Variants in CCDC88C observed in about 807,000 individuals in gnomAD.
The protein encoded by CCDC88C is protein Daple.
CCDC88C carries 131 observed loss-of-function variants against 198.8 expected under a neutral mutation model. That is an observed-to-expected ratio of 0.66 (90% CI 0.57 to 0.76). The LOEUF is 0.76. Ranked by LOEUF, CCDC88C falls within the 30% of genes least tolerant of loss-of-function variation. The pLI, the probability that CCDC88C is intolerant of heterozygous loss-of-function variation, is 0.00. For missense variants in CCDC88C, 2,553 were observed against 2,631.6 expected, an observed-to-expected ratio of 0.97 and a Z score of 0.65; for synonymous variants, 1,166 against 1,114.7, an observed-to-expected ratio of 1.05 and a Z score of -0.92.
chr14:91,385,964 A>G (rs1885107420), intron 3 of CCDC88C, among the ~76,000 whole-genome samples: 2 of 152,148 alleles, frequency 1.3e-5, no homozygotes, highest in African/African-American at 4.8e-5. Context: ...CAGGAGCAGA[A>G]TGGCCTGTAT....
At chr14:91,345,192 T>TATATA (rs1596094632) in intron 4 of CCDC88C, among the ~76,000 whole-genome samples, 3 of 87,298 alleles carry the variant, frequency 3.4e-5, no homozygotes, top group African/African-American at 1.4e-4. Flanking sequence ...ATATATATAT[T>TATATA]TTTTTTTTTT....
chr14:91,277,980 C>G lies in CCDC88C; in HGVS notation c.5000G>C (p.Ser1667Thr). The G allele has an allele frequency of 2.6e-6, 4 of 1,561,756 alleles. No individual in the cohort carries two copies. In the South Asian group the frequency reaches 4.7e-5, roughly 18 times the overall value. The change falls in exon 29 of 30, where the codon AGT becomes ACT. Residue 1667 changes from serine (S) to threonine (T), a missense_variant. Ser to Thr is a moderately conservative substitution (Grantham distance 58). Transcript: ENST00000389857. The part of the protein sequence containing the change: ...GVRPCSASPS[S>T]EMVTLEEFLE... ...GAACTCCTCCAAGGTGACCATCTCA[C>G]TGCTGGGGGAGGCCGAGCAGGGCCG...
chr14:91,290,160 T>C (rs925234727), intron 24 of CCDC88C, among the ~76,000 whole-genome samples: 1 of 152,214 alleles, frequency 6.6e-6, no homozygotes, highest in African/African-American at 2.4e-5. Context: ...TAATCCCAGC[T>C]ACTCGGGAGG....
At chr14:91,281,373 A>G (rs900434168) in intron 27 of CCDC88C, 84 bp downstream of exon 27, 1 of 1,604,130 alleles carries the variant, frequency 6.2e-7, no homozygotes, top group African/African-American at 1.3e-5. Flanking sequence ...ACTCCCGTAC[A>G]GGACTCAGCT....
chr14:91,397,981 A>G (rs995240563), intron 3 of CCDC88C, among the ~76,000 whole-genome samples: 1 of 152,262 alleles, frequency 6.6e-6, no homozygotes, highest in Non-Finnish European at 1.5e-5. Flanking sequence ...ATCTTGCTCC[A>G]TGAGCCTTGG....
At chr14:91,369,711 G>A (rs1040038569) in intron 3 of CCDC88C, among the ~76,000 whole-genome samples, 4 of 152,136 alleles carry the variant, frequency 2.6e-5, no homozygotes, top group Non-Finnish European at 5.9e-5. Context: ...GGGAGTCCTG[G>A]CAAAACGAGT....
At position 91,371,362 on chromosome 14, in the gene CCDC88C, G is replaced by A. The variant is rs1045576231; in HGVS notation, c.271-11651C>T. Among the ~76,000 whole-genome samples, 5 of 151,990 alleles carry A rather than the reference G, an allele frequency of 3.3e-5. No homozygotes were observed. The highest frequency in any genetic ancestry group is 4.1e-4 in the South Asian group (2 of 4,826). On this transcript the variant is annotated intron_variant, in intron 3 of 29. Coordinates refer to ENST00000389857, the MANE Select transcript of CCDC88C (RefSeq NM_001080414.4). This position sits in a 1 kb window ranked among gnomAD's most constrained non-coding sequence, Gnocchi z 4.2. ...AGAAAGTGTGGCCAGAGGAAACTACGGTATGCATGCAGGGTGGGCTGGGAC... is the reference window on the plus strand; with the variant it reads ...AGAAAGTGTGGCCAGAGGAAACTACAGTATGCATGCAGGGTGGGCTGGGAC...
chr14:91,324,612 C>G (rs1327007708), intron 12 of CCDC88C, among the ~76,000 whole-genome samples, 167 bp downstream of exon 12: 3 of 152,250 alleles, frequency 2.0e-5, no homozygotes, highest in Non-Finnish European at 2.9e-5. Context: ...CGTGTCTTCC[C>G]TGGGGAGAAC....
intron 4 of CCDC88C, among the ~76,000 whole-genome samples, chr14:91,358,005 G>A (rs1259326929): frequency 2.0e-5 from 3 of 152,220 alleles, no homozygotes; most frequent in Non-Finnish European, 2.9e-5. Context: ...GGCGGTGAGT[G>A]CCCACAGGCC....
intron 23 of CCDC88C, among the ~76,000 whole-genome samples, chr14:91,291,455 G>A (rs556084811): frequency 2.2e-4 from 33 of 152,310 alleles, no homozygotes; most frequent in African/African-American, 7.5e-4. Context: ...CAGTGGTGAC[G>A]GGGCGGGGTT....
At chr14:91,349,605 G>C in intron 4 of CCDC88C, among the ~76,000 whole-genome samples, 1 of 152,200 alleles carries the variant, frequency 6.6e-6, no homozygotes, top group Non-Finnish European at 1.5e-5. Context: ...GTTGAGAATA[G>C]GAGAACCCCT....
intron 3 of CCDC88C, chr14:91,378,639 GCT>G (rs35752674): frequency 0.22 from 33,068 of 152,318 alleles, 4,211 homozygotes; most frequent in African/African-American, 0.35. Flanking sequence ...ACATTCCCAT[GCT>G]CTTTTTTATG....
rs1429581089 is a variant in CCDC88C, at chr14:91,313,102, C to A, written c.2714G>T (p.Arg905Met). Residue 905 changes from arginine to methionine, a missense_variant, in exon 15 of 30, where the codon AGG (arginine) becomes ATG (methionine). By Grantham distance (91) the Arg-to-Met change is moderately conservative (BLOSUM62 -1). Around this residue, in one of 2 missense-constraint regions of CCDC88C, gnomAD observed 1,260 missense variants for 1,412.0 expected, o/e 0.89. Coordinates refer to ENST00000389857, the MANE Select transcript of CCDC88C (RefSeq NM_001080414.4). The surrounding 1 kb of genome is among the most constrained non-coding windows in gnomAD (Gnocchi z 5.2). The part of the protein sequence containing the change: ...DLTKQVTVHA[R>M]TLTTLREDLV... ...CACCTCCCTCAGAGTTGTCAGTGTC[C>A]TTGCATGCACGGTGACTTGCTTGGT... 6.3e-7 allele frequency: 1 copy of A among 1,594,484 alleles called. No individual in the cohort carries two copies. The highest frequency in any genetic ancestry group is 8.6e-7 in the Non-Finnish European group (1 of 1,167,712).
chr14:91,354,542 G>A (rs530414989), intron 4 of CCDC88C, among the ~76,000 whole-genome samples: 5 of 152,204 alleles, frequency 3.3e-5, no homozygotes, highest in African/African-American at 1.2e-4. Context: ...TCAGGCCTAG[G>A]GGAGACAGAC....
intron 4 of CCDC88C, 54 bp from the exon 5 acceptor site, chr14:91,343,711 G>C (rs1893400650): frequency 6.2e-7 from 1 of 1,608,026 alleles, no homozygotes; most frequent in Non-Finnish European, 8.5e-7. Context: ...TATAATTTCA[G>C]TGACATGTTT....
rs907949809 is a variant in CCDC88C at position 91,381,069 on chromosome 14, C to G, written c.271-21358G>C. Among the ~76,000 whole-genome samples the G allele has an allele frequency of 6.6e-6, 1 of 152,074 alleles. No homozygotes were observed. Among genetic ancestry groups the G allele is most frequent in the Non-Finnish European group, 1.5e-5 (1 of 67,974 alleles). ...ACAGGGCTGTGAAGCAGTGTGTGCC[C>G]TGGTCCACCCTCTGTTTAACCCACT... On this transcript the variant is annotated intron_variant, in intron 3 of 29. Transcript: ENST00000389857. The surrounding 1 kb of genome is among the most constrained non-coding windows in gnomAD (Gnocchi z 4.2).
chr14:91,313,544 C>G lies in CCDC88C; in HGVS notation c.2272G>C (p.Glu758Gln). 6.2e-7 allele frequency: 1 copy of G among 1,610,534 alleles called. No homozygotes were observed. Among genetic ancestry groups the G allele is most frequent in the South Asian group, 1.1e-5 (1 of 91,086 alleles). ...KALGKKSERL[E>Q]LSYQSVSAEN... ...GCGCTCACGCTCTGGTAGCTGAGCT[C>G]CAGGCGCTCTGACTTCTTGCCCAGC... is the stretch of plus-strand genomic sequence containing the variant. Residue 758 changes from glutamate (E) to glutamine (Q), a missense_variant, in exon 15 of 30, where the codon GAG becomes CAG. Physicochemically the swap from Glu to Gln is conservative, Grantham distance 29 (BLOSUM62 2). Coordinates refer to ENST00000389857, the MANE Select transcript of CCDC88C (RefSeq NM_001080414.4). The surrounding 1 kb of genome is among the most constrained non-coding windows in gnomAD (Gnocchi z 5.2).
At chr14:91,400,157 C>A (rs1886088141) in intron 3 of CCDC88C, among the ~76,000 whole-genome samples, 1 of 152,208 alleles carries the variant, frequency 6.6e-6, no homozygotes, top group Non-Finnish European at 1.5e-5. Context: ...TCTCCCACCC[C>A]ACAAAACGTG....
rs1453987046 is a variant in CCDC88C, at chr14:91,325,318, T to G, written c.1198-395A>C. On this transcript the variant is annotated intron_variant, in intron 11 of 29. Coordinates refer to ENST00000389857, the MANE Select transcript of CCDC88C (RefSeq NM_001080414.4). The surrounding 1 kb of genome is among the most constrained non-coding windows in gnomAD (Gnocchi z 4.1). ...ACAGCTCACCCCACACCATCAACAC[T>G]GGCAAAGACCCTTCTTCCAAGACAC... 6.6e-6 allele frequency among the ~76,000 whole-genome samples: 1 copy of G among 152,168 alleles called. No individual in the cohort carries two copies. Among genetic ancestry groups the G allele is most frequent in the African/African-American group, 2.4e-5 (1 of 41,434 alleles).
Sources: gnomAD v4.1 joint callset for allele counts (sites outside exome capture counted in the v4.1 genomes callset) on GRCh38, gnomAD v4.1.1 for gene constraint, gnomAD v4.1.1 regional missense constraint, Gnocchi (gnomAD v3.1) non-coding constraint, MANE v1.5 for transcripts, NCBI Gene and HGNC (gene_info 2026-07-23, HGNC 2026-07-21) for gene names.